Variants in FBXO11 observed in about 807,000 individuals in gnomAD.
FBXO11 encodes the protein F-box only protein 11.
A neutral mutation model predicts 117.0 loss-of-function variants in FBXO11; 13 were observed. The observed-to-expected ratio is 0.11, with a 90% CI of 0.07 to 0.18. The LOEUF is 0.18. Ranked by LOEUF, FBXO11 falls within the 10% of genes least tolerant of loss-of-function variation. The pLI is 1.00. For missense variants in FBXO11, 767 were observed against 1,164.4 expected (o/e 0.66, Z 4.97); for synonymous variants, 490 against 380.5 (o/e 1.29, Z -3.35).
intron 3 of FBXO11, 96 bp from the exon 4 acceptor site, chr2:47,839,099 T>C: frequency 3.9e-6 from 5 of 1,297,170 alleles, no homozygotes; most frequent in Non-Finnish European, 5.3e-6. Flanking sequence ...ATAGCTTTTT[T>C]TTTTTGGATA....
intron 18 of FBXO11, 55 bp from the exon 19 acceptor site, chr2:47,810,481 C>T (rs1670537109): frequency 3.6e-6 from 4 of 1,096,242 alleles, no homozygotes; most frequent in Admixed American, 2.5e-5. Flanking sequence ...GACTACTAAC[C>T]TTTTTGGTGG....
chr2:47,833,194 T>TAACTATGTTTCATCATCAGCC, intron 7 of FBXO11, 124 bp from the exon 8 acceptor site: 2 of 633,766 alleles, frequency 3.2e-6, no homozygotes, highest in Non-Finnish European at 5.5e-6. Flanking sequence ...CACTATCAGT[T>TAACTATGTTTCATCATCAGCC]AACTATGTTT....
intron 16 of FBXO11, among the ~76,000 whole-genome samples, chr2:47,814,890 A>G (rs1028476844): frequency 2.0e-5 from 3 of 152,152 alleles, no homozygotes; most frequent in Admixed American, 6.5e-5. Context: ...CATTTCAACT[A>G]TGTTCACAGC....
At chr2:47,817,062 T>C (rs762642656) in intron 16 of FBXO11, among the ~76,000 whole-genome samples, 5 of 152,174 alleles carry the variant, frequency 3.3e-5, no homozygotes, top group South Asian at 2.1e-4. Flanking sequence ...TATAAAACTA[T>C]TGAGTCTACA....
rs746953076 is a variant in FBXO11, at chr2:47,905,551, G to GGCTGCT, written c.164_169dup (p.Gln55_Gln56dup). The GGCTGCT allele has an allele frequency of 5.3e-4, 654 of 1,239,730 alleles. 5 individuals are homozygous for GGCTGCT. The highest frequency in any genetic ancestry group is 6.5e-4 in the South Asian group (18 of 27,656). The allele number at this position is 1,239,730 out of a possible 1,614,324, so 76.8% of individuals were successfully genotyped here. A position where few individuals can be genotyped will look rare whatever the true frequency, so the allele number is the denominator to read the frequency against. On this transcript the variant is annotated inframe_insertion, in exon 1 of 23. Coordinates refer to ENST00000403359, the MANE Select transcript of FBXO11 (RefSeq NM_001190274.2). ...CGGAGGCGGCGGTGGCGGCGGCGGA[G>GGCTGCT]GCTGCTGCTGCTGCTGCTGCTGCGG...
chr2:47,812,225 C>CA (rs1376815754), intron 18 of FBXO11, among the ~76,000 whole-genome samples: 1 of 152,210 alleles, frequency 6.6e-6, no homozygotes, highest in Non-Finnish European at 1.5e-5. Context: ...TCACACTATA[C>CA]ATTTTATGGA....
chr2:47,855,513 T>C (rs1674218509), intron 1 of FBXO11, among the ~76,000 whole-genome samples: 1 of 151,958 alleles, frequency 6.6e-6, no homozygotes, highest in South Asian at 2.1e-4. Context: ...CATAAGAAAT[T>C]TCAACAGATT....
chr2:47,841,078 G>A (rs1168316904), intron 1 of FBXO11, among the ~76,000 whole-genome samples: 5 of 151,822 alleles, frequency 3.3e-5, no homozygotes, highest in Non-Finnish European at 5.9e-5. Context: ...GGCGCCCGTA[G>A]TCCCAGCTAC....
At position 47,905,864 on chromosome 2, in the gene FBXO11, G is replaced by A; in HGVS notation, c.-144C>T. The A allele has an allele frequency of 1.3e-6, 1 of 772,176 alleles. No individual in the cohort carries two copies. The highest frequency in any genetic ancestry group is 1.9e-6 in the Non-Finnish European group (1 of 528,972). 47.8% of individuals were successfully genotyped at this position (772,176 alleles called of 1,614,324 possible). A position where few individuals can be genotyped will look rare whatever the true frequency, so the allele number is the denominator to read the frequency against. On this transcript the variant is annotated 5_prime_UTR_variant, in exon 1 of 23. Coordinates refer to ENST00000403359, the MANE Select transcript of FBXO11 (RefSeq NM_001190274.2). ...GAGGGGAAGGGGAGACGCTGAGGGC[G>A]GAGGGGGCGAGCGGGACCCCGAGTC...
chr2:47,852,902 C>T (rs1673983133), intron 1 of FBXO11, among the ~76,000 whole-genome samples: 2 of 152,152 alleles, frequency 1.3e-5, no homozygotes, highest in Non-Finnish European at 2.9e-5. Context: ...TATTAAGCAG[C>T]AGAGGCAGAA....
chr2:47,856,200 A>C (rs908684307), intron 1 of FBXO11, among the ~76,000 whole-genome samples: 1 of 152,208 alleles, frequency 6.6e-6, no homozygotes, highest in Non-Finnish European at 1.5e-5. Flanking sequence ...GTGGATCTCA[A>C]AACAAGCCAA....
At chr2:47,905,224 G>C (rs969294543) in intron 1 of FBXO11, 7 of 237,542 alleles carry the variant, frequency 2.9e-5, no homozygotes, top group East Asian at 1.0e-4. Context: ...GGGATGGGTG[G>C]GGGTGGAGGG....
intron 1 of FBXO11, among the ~76,000 whole-genome samples, chr2:47,903,118 G>A (rs973665911): frequency 1.3e-5 from 2 of 151,750 alleles, no homozygotes; most frequent in Non-Finnish European, 2.9e-5. Context: ...TATATGAATC[G>A]GACATTTAAA....
chr2:47,817,835 T>A (rs762654124), intron 16 of FBXO11, among the ~76,000 whole-genome samples: 41 of 152,198 alleles, frequency 2.7e-4, no homozygotes, highest in Non-Finnish European at 1.9e-4. Context: ...CCCAAAACAA[T>A]TACAATAGTA....
chr2:47,876,725 T>C (rs1289230521), intron 1 of FBXO11, among the ~76,000 whole-genome samples: 1 of 152,178 alleles, frequency 6.6e-6, no homozygotes, highest in Non-Finnish European at 1.5e-5. Context: ...ATTTAAAAAA[T>C]TTATCCTGGT....
chr2:47,896,018 T>C (rs1041091716), intron 1 of FBXO11, among the ~76,000 whole-genome samples: 4 of 152,198 alleles, frequency 2.6e-5, no homozygotes, highest in Non-Finnish European at 4.4e-5. Flanking sequence ...TTTAAATGTA[T>C]ATAGCCCATT....
chr2:47,831,964 G>A (rs1301618566), intron 11 of FBXO11, among the ~76,000 whole-genome samples: 1 of 152,078 alleles, frequency 6.6e-6, no homozygotes, highest in South Asian at 2.1e-4. Flanking sequence ...CACTTATGTT[G>A]TTTATTAAAA....
In FBXO11 at chr2:47,825,204, G is replaced by C. The variant is rs571382689; in HGVS notation, c.1399-1844C>G. Among the ~76,000 whole-genome samples the C allele has an allele frequency of 9.2e-5, 14 of 152,136 alleles. 1 individual carries two copies. The highest frequency in any genetic ancestry group is 3.4e-4 in the African/African-American group (14 of 41,498). ...CCTCCAAGAATAACATACAAAAGTA[G>C]TTTTCAGACTTCATTTTCTAATAAA... On this transcript the variant is annotated intron_variant, in intron 11 of 22. Coordinates refer to ENST00000403359, the MANE Select transcript of FBXO11 (RefSeq NM_001190274.2).
chr2:47,820,297 G>C (rs1382594303), intron 14 of FBXO11, 65 bp downstream of exon 14: 1 of 1,287,728 alleles, frequency 7.8e-7, no homozygotes, highest in Admixed American at 1.8e-5. Context: ...AAAGCTTGAG[G>C]AGAAACCCTT....
Sources: gnomAD v4.1 joint callset for allele counts (sites outside exome capture counted in the v4.1 genomes callset) on GRCh38, gnomAD v4.1.1 for gene constraint, MANE v1.5 for transcripts, NCBI Gene and HGNC (gene_info 2026-07-23, HGNC 2026-07-21) for gene names.